The following CHST9 variants were observed in gnomAD, a reference collection of about 807,000 sequenced individuals.
CHST9 encodes the protein GalNAc-4-sulfotransferase 2.
CHST9 carries 41 observed loss-of-function variants against 44.4 expected under a neutral mutation model. The observed-to-expected ratio is 0.92, with a 90% CI of 0.72 to 1.20. The LOEUF is 1.20. CHST9 is among the 50% of genes most tolerant of loss of function. The pLI, the probability that CHST9 is intolerant of heterozygous loss-of-function variation, is 0.00. For synonymous variants in CHST9, 171 were observed against 178.4 expected, an observed-to-expected ratio of 0.96 and a Z score of 0.33; for missense variants, 504 against 516.5, an observed-to-expected ratio of 0.98 and a Z score of 0.23.
intron 1 of CHST9, among the ~76,000 whole-genome samples, chr18:27,151,324 T>C (rs1304228476): frequency 3.9e-5 from 6 of 152,106 alleles, no homozygotes; most frequent in African/African-American, 1.4e-4. Flanking sequence ...ATAGATGTTG[T>C]AAAAATATCA....
intron 2 of CHST9, among the ~76,000 whole-genome samples, chr18:27,108,857 C>T (rs1161384783): frequency 6.6e-6 from 1 of 152,194 alleles, no homozygotes; most frequent in Non-Finnish European, 1.5e-5. Flanking sequence ...TGGTCCTTAA[C>T]AGGACAGAGG....
chr18:27,068,168 T>C (rs9964115), intron 2 of CHST9, among the ~76,000 whole-genome samples: 19,568 of 152,136 alleles, frequency 0.13, 1,612 homozygotes, highest in East Asian at 0.28. Context: ...ATAGAGTAAT[T>C]TTGAAAACTA....
chr18:27,105,141 G>A (rs1393297943), intron 2 of CHST9, among the ~76,000 whole-genome samples: 1 of 151,768 alleles, frequency 6.6e-6, no homozygotes, highest in Non-Finnish European at 1.5e-5. Flanking sequence ...TAGTAAAATA[G>A]ATAAATTTTT....
Position 27,015,323 on chromosome 18 carries a change from T to TGTGTGTG in CHST9, c.202+8792_202+8793insCACACAC, listed in dbSNP as rs2057139007. Among the ~76,000 whole-genome samples the TGTGTGTG allele has an allele frequency of 4.1e-5, 6 of 146,454 alleles. No homozygotes were observed. The South Asian group carries it at 1.1e-3, about 27-fold the overall frequency. Reference sequence around the variant, plus strand: ...GTTTAAATGATCACCAGAGAGGCAGTTGTGTGTGTGTGTGTGTGTGTGTGT... The same window carrying TGTGTGTG: ...GTTTAAATGATCACCAGAGAGGCAGTGTGTGTGTGTGTGTGTGTGTGTGTGTGTGTGT... On this transcript the variant is annotated intron_variant, in intron 4 of 5. Coordinates refer to ENST00000618847, the MANE Select transcript of CHST9 (RefSeq NM_031422.6).
intron 2 of CHST9, among the ~76,000 whole-genome samples, chr18:27,076,629 G>C (rs1366705904): frequency 3.3e-5 from 5 of 152,142 alleles, no homozygotes; most frequent in Admixed American, 1.3e-4. Context: ...AATGAGTCCA[G>C]AACAGACCAT....
chr18:26,950,582 GGAGCTA>G (rs1333077986), intron 4 of CHST9, among the ~76,000 whole-genome samples: 1 of 152,186 alleles, frequency 6.6e-6, no homozygotes, highest in African/African-American at 2.4e-5. Context: ...CAACTTGGAT[GGAGCTA>G]GAGGCCATTA....
intron 1 of CHST9, among the ~76,000 whole-genome samples, chr18:27,184,523 C>T (rs925306785): frequency 7.2e-5 from 11 of 152,082 alleles, no homozygotes; most frequent in African/African-American, 2.7e-4. Flanking sequence ...CCCCTCCCAA[C>T]CCCTCTGCTC....
intron 2 of CHST9, among the ~76,000 whole-genome samples, chr18:27,053,161 G>GAAGAAGAAGAAGAAGAAGAAGAAA (rs2057594358): frequency 6.9e-6 from 1 of 145,478 alleles, no homozygotes; most frequent in Non-Finnish European, 1.5e-5. Flanking sequence ...AGAAGAAGAA[G>GAAGAAGAAGAAGAAGAAGAAGAAA]AAGAAGAAGA....
At chr18:27,098,796 T>C (rs944187103) in intron 2 of CHST9, among the ~76,000 whole-genome samples, 1 of 148,940 alleles carries the variant, frequency 6.7e-6, no homozygotes, top group South Asian at 2.1e-4. Flanking sequence ...ACTATTCCTA[T>C]CAAACTACCA....
chr18:26,916,693 A>T lies in CHST9; in HGVS notation c.898T>A (p.Tyr300Asn). The T allele has an allele frequency of 6.2e-7, 1 of 1,613,896 alleles. No homozygotes were observed. Among genetic ancestry groups the T allele is most frequent in the South Asian group, 1.1e-5 (1 of 91,074 alleles). ...GCCTTTCCGAATACTGGATGGTAAT[A>T]ACTATTGGGGTGTTCAAATTTGTCC... ...FRDKFEHPNS[Y>N]YHPVFGKAII... Residue 300 changes from tyrosine (Y) to asparagine (N), a missense_variant, in exon 6 of 6, where the codon TAT becomes AAT. By Grantham distance (143) the Tyr-to-Asn change is moderately radical. Transcript: ENST00000618847.
At chr18:27,050,852 A>C (rs1028612213) in intron 2 of CHST9, among the ~76,000 whole-genome samples, 2 of 152,190 alleles carry the variant, frequency 1.3e-5, no homozygotes, top group African/African-American at 4.8e-5. Context: ...ATGGTATTCA[A>C]GGCTTGAATT....
intron 5 of CHST9, among the ~76,000 whole-genome samples, chr18:26,918,481 T>G (rs923132898): frequency 1.3e-5 from 2 of 151,584 alleles, no homozygotes; most frequent in Non-Finnish European, 2.9e-5. Context: ...TGCAAATATA[T>G]ATATACATGA....
At chr18:27,084,605 G>A (rs1447787622) in intron 2 of CHST9, among the ~76,000 whole-genome samples, 4 of 151,296 alleles carry the variant, frequency 2.6e-5, no homozygotes, top group African/African-American at 9.7e-5. Flanking sequence ...AACAATTTTT[G>A]GTCTCATTGA....
chr18:26,949,973 C>T (rs1424623262), intron 4 of CHST9, among the ~76,000 whole-genome samples: 1 of 152,174 alleles, frequency 6.6e-6, no homozygotes, highest in Non-Finnish European at 1.5e-5. Context: ...TGCAAAGGAA[C>T]GCAGCCTTGC....
intron 4 of CHST9, among the ~76,000 whole-genome samples, chr18:26,989,152 C>A (rs995428489): frequency 6.6e-6 from 1 of 151,848 alleles, no homozygotes; most frequent in African/African-American, 2.4e-5. Context: ...AATGAAAAGA[C>A]AAAGAATAGA....
chr18:26,944,298 A>G (rs2056129466), intron 5 of CHST9, 31 bp downstream of exon 5: 4 of 1,555,116 alleles, frequency 2.6e-6, no homozygotes, highest in South Asian at 1.1e-5. Context: ...ACAAAATTCT[A>G]TATTAGAGTT....
chr18:27,081,679 T>C (rs1206261385), intron 2 of CHST9, among the ~76,000 whole-genome samples: 1 of 152,218 alleles, frequency 6.6e-6, no homozygotes, highest in Admixed American at 6.5e-5. Flanking sequence ...TCAGATGTTG[T>C]GATATTTCTT....
chr18:27,109,250 A>T (rs1005229433), intron 2 of CHST9, among the ~76,000 whole-genome samples: 9 of 152,198 alleles, frequency 5.9e-5, no homozygotes, highest in African/African-American at 2.2e-4. Context: ...GAGCTGGCGC[A>T]TAAGTTAAGT....
chr18:26,987,768 G>T (rs1398383139), intron 4 of CHST9, among the ~76,000 whole-genome samples: 1 of 152,120 alleles, frequency 6.6e-6, no homozygotes, highest in African/African-American at 2.4e-5. Flanking sequence ...CTGATGAGTG[G>T]ATTAGTGCCC....
Sources: allele counts gnomAD v4.1 joint callset (sites outside exome capture counted in the v4.1 genomes callset), GRCh38; gene constraint gnomAD v4.1.1; transcripts MANE v1.5; gene names NCBI Gene and HGNC (gene_info 2026-07-23, HGNC 2026-07-21).